The following TMEM232 variants were observed in gnomAD, a reference collection of about 807,000 sequenced individuals.
TMEM232 encodes the protein transmembrane protein 232.
A neutral mutation model predicts 78.8 loss-of-function variants in TMEM232; 80 were observed. The observed-to-expected ratio is 1.01, with a 90% confidence interval of 0.85 to 1.22. The LOEUF (loss-of-function observed/expected upper bound fraction) is 1.22, where lower values mean the gene tolerates loss of function less well. Ranked by LOEUF, TMEM232 falls within the 50% of genes most tolerant of loss-of-function variation. TMEM232 has a pLI of 0.00. For synonymous variants in TMEM232, 297 were observed against 254.3 expected, an observed-to-expected ratio of 1.17 and a Z score of -1.60; for missense variants, 881 against 742.2, an observed-to-expected ratio of 1.19 and a Z score of -2.17.
chr5:110,521,349 T>C (rs1227186700), intron 12 of TMEM232, among the ~76,000 whole-genome samples: 1 of 152,248 alleles, frequency 6.6e-6, no homozygotes, highest in Non-Finnish European at 1.5e-5. Context: ...GAATTCCTTA[T>C]ATATTTGGAA....
At position 110,497,016 on chromosome 5, in the gene TMEM232, A is replaced by T. The variant is rs73784772; in HGVS notation, c.1703+31572T>A. 4.3e-3 allele frequency among the ~76,000 whole-genome samples: 656 copies of T among 152,154 alleles called. 4 individuals carry two copies. Among genetic ancestry groups the T allele is most frequent in the African/African-American group, 0.015 (632 of 41,536 alleles). ...GATCTGGTGATTTACTTTCTGACTGATCAATAGTAAATCAATTGACTTAGT... is the reference window on the plus strand; with the variant it reads ...GATCTGGTGATTTACTTTCTGACTGTTCAATAGTAAATCAATTGACTTAGT... On this transcript the variant is annotated intron_variant, in intron 12 of 13. Transcript: ENST00000455884.
At chr5:110,432,746 T>G (rs80342923) in intron 12 of TMEM232, among the ~76,000 whole-genome samples, 1,679 of 151,716 alleles carry the variant, frequency 0.011, 33 homozygotes, top group African/African-American at 0.039. Context: ...CAAACCCACC[T>G]CACACATAAT....
chr5:110,497,535 G>A (rs1180502341), intron 12 of TMEM232, among the ~76,000 whole-genome samples: 2 of 152,100 alleles, frequency 1.3e-5, no homozygotes, highest in Non-Finnish European at 2.9e-5. Context: ...TATTTGACCT[G>A]AAGGATATTT....
chr5:110,620,335 TAAAC>T (rs991792716), intron 7 of TMEM232, among the ~76,000 whole-genome samples: 2 of 152,032 alleles, frequency 1.3e-5, no homozygotes, highest in African/African-American at 4.8e-5. Flanking sequence ...CCATAAGAAA[TAAAC>T]AAAGCCACTT....
intron 12 of TMEM232, among the ~76,000 whole-genome samples, chr5:110,505,331 T>C (rs1003695858): frequency 7.9e-5 from 12 of 152,092 alleles, no homozygotes; most frequent in African/African-American, 2.9e-4. Flanking sequence ...TAGGTGGAAG[T>C]GAACTCCCCA....
rs557431043 is a variant in TMEM232 at position 110,479,935 on chromosome 5, C to G, written c.1703+48653G>C. On this transcript the variant is annotated intron_variant, in intron 12 of 13. Transcript: ENST00000455884. ...ACAATATAATTTTTTTAACATACGACTTTTTATTCAGCAGAGAAAAAAATA... is the reference window on the plus strand; with the variant it reads ...ACAATATAATTTTTTTAACATACGAGTTTTTATTCAGCAGAGAAAAAAATA... Among the ~76,000 whole-genome samples, 65 of 151,664 alleles carry G rather than the reference C, an allele frequency of 4.3e-4. 1 individual carries two copies. The highest frequency in any genetic ancestry group is 1.5e-3 in the African/African-American group (60 of 41,290).
At chr5:110,391,961 C>G (rs190839629) in intron 3 of TMEM232, among the ~76,000 whole-genome samples, 2 of 152,266 alleles carry the variant, frequency 1.3e-5, no homozygotes, top group East Asian at 3.9e-4. Context: ...TGGTACATGA[C>G]ATTGTATCTC....
At chr5:110,639,579 C>G (rs1224703575) in intron 4 of TMEM232, among the ~76,000 whole-genome samples, 1 of 152,046 alleles carries the variant, frequency 6.6e-6, no homozygotes, top group Admixed American at 6.6e-5. Context: ...TAGACAGGAA[C>G]AAGGAAGAGT....
intron 2 of TMEM232, among the ~76,000 whole-genome samples, chr5:110,649,794 A>G (rs1788038590): frequency 6.6e-6 from 1 of 152,064 alleles, no homozygotes; most frequent in Non-Finnish European, 1.5e-5. Context: ...TTTACTTATT[A>G]AGCTTTTTTG....
At chr5:110,632,734 AC>A (rs1033851107) in intron 5 of TMEM232, among the ~76,000 whole-genome samples, 2 of 152,160 alleles carry the variant, frequency 1.3e-5, no homozygotes, top group Non-Finnish European at 2.9e-5. Flanking sequence ...AAGAAAAAAA[AC>A]AAAGTCTCTG....
At chr5:110,402,148 G>A (rs755182652) in intron 2 of TMEM232, among the ~76,000 whole-genome samples, 6 of 152,008 alleles carry the variant, frequency 3.9e-5, no homozygotes, top group Admixed American at 6.6e-5. Context: ...TGACTCATCC[G>A]TTTGCATCAT....
intron 1 of TMEM232, among the ~76,000 whole-genome samples, chr5:110,669,933 C>A (rs552234246): frequency 0.011 from 1,623 of 151,764 alleles, 22 homozygotes; most frequent in African/African-American, 0.036. Context: ...ATTCAACAAC[C>A]CTTCATGCTA....
intron 6 of TMEM232, among the ~76,000 whole-genome samples, chr5:110,627,187 T>C (rs1351787764): frequency 3.9e-5 from 6 of 152,094 alleles, no homozygotes. Flanking sequence ...CAGCTCCCGC[T>C]TGAATTTCTC....
intron 11 of TMEM232, among the ~76,000 whole-genome samples, chr5:110,531,350 G>A (rs1024149169): frequency 2.0e-5 from 3 of 152,122 alleles, no homozygotes; most frequent in Non-Finnish European, 4.4e-5. Context: ...GCTGTGACTC[G>A]GATTGGGGGA....
chr5:110,718,450 T>C (rs1354661664), intron 1 of TMEM232, among the ~76,000 whole-genome samples: 1 of 152,150 alleles, frequency 6.6e-6, no homozygotes, highest in Non-Finnish European at 1.5e-5. Flanking sequence ...GAGAAGCATT[T>C]CTGGATAGCT....
intron 1 of TMEM232, among the ~76,000 whole-genome samples, chr5:110,690,928 A>T (rs1411328102): frequency 6.6e-6 from 1 of 152,136 alleles, no homozygotes; most frequent in African/African-American, 2.4e-5. Context: ...GAACAATGAG[A>T]ACATGTGGAC....
At chr5:110,631,113 T>C (rs529471724) in intron 5 of TMEM232, among the ~76,000 whole-genome samples, 263 of 152,222 alleles carry the variant, frequency 1.7e-3, no homozygotes, top group African/African-American at 5.9e-3. Context: ...CCCCAGTGTC[T>C]ACCCAGCAGC....
intron 8 of TMEM232, among the ~76,000 whole-genome samples, chr5:110,610,307 A>G (rs192323926): frequency 8.2e-6 from 1 of 122,078 alleles, no homozygotes; most frequent in East Asian, 2.3e-4. Context: ...ATTTATAGTT[A>G]TGAAGTAAAT....
At chr5:110,391,954 T>A (rs1386884719) in intron 3 of TMEM232, among the ~76,000 whole-genome samples, 1 of 152,216 alleles carries the variant, frequency 6.6e-6, no homozygotes, top group African/African-American at 2.4e-5. Flanking sequence ...CTGAGCTTGG[T>A]ACATGACATT....
Sources: allele counts gnomAD v4.1 joint callset (sites outside exome capture counted in the v4.1 genomes callset), GRCh38; gene constraint gnomAD v4.1.1; transcripts MANE v1.5; gene names NCBI Gene and HGNC (gene_info 2026-07-23, HGNC 2026-07-21).